The following GCC2 variants were observed in gnomAD, a reference collection of about 807,000 sequenced individuals.
GCC2 encodes the protein GRIP and coiled-coil domain containing 2.
Under a neutral mutation model 210.6 loss-of-function variants are expected in GCC2, and 120 were observed. The ratio of observed to expected loss-of-function variants is 0.57; its 90% CI spans 0.49 to 0.66. The LOEUF is 0.66. Among genes scored for constraint, GCC2 ranks in the 30% least tolerant of loss-of-function variants. GCC2 has a pLI of 0.00. For missense variants in GCC2, 1,868 were observed against 1,871.9 expected, an observed-to-expected ratio of 1.00 and a Z score of 0.04; for synonymous variants, 703 against 652.7, an observed-to-expected ratio of 1.08 and a Z score of -1.17.
chr2:108,490,096 A>T (rs1682339456), intron 18 of GCC2, 82 bp downstream of exon 18: 1 of 953,316 alleles, frequency 1.0e-6, no homozygotes, highest in African/African-American at 1.7e-5. Flanking sequence ...GATCCTTGAG[A>T]TAAATGCAGA....
At chr2:108,506,250 A>C (rs1683179937) in intron 22 of GCC2, among the ~76,000 whole-genome samples, 1 of 152,260 alleles carries the variant, frequency 6.6e-6, no homozygotes, top group Non-Finnish European at 1.5e-5. Flanking sequence ...GCAAATGAAT[A>C]AACTGGTACA....
chr2:108,470,690 CATT>C lies in GCC2; in HGVS notation c.1363_1365del (p.Leu455del). 6.2e-7 allele frequency: 1 copy of C among 1,609,128 alleles called. No homozygotes were observed. The highest frequency in any genetic ancestry group is 8.5e-7 in the Non-Finnish European group (1 of 1,177,542). On this transcript the variant is annotated inframe_deletion, in exon 6 of 23. Transcript: ENST00000309863. ...TCAGATTCAGAAAAAGAAAAATTAA[CATT>C]AATGTTTGAAATACAGGGTCTTAAG...
At chr2:108,449,882 T>C (rs901748202) in intron 2 of GCC2, 193 bp downstream of exon 2, 2 of 586,006 alleles carry the variant, frequency 3.4e-6, no homozygotes, top group African/African-American at 1.9e-5. Flanking sequence ...GAAAGACTTT[T>C]TGTTTGCTTC....
At chr2:108,461,291 A>AT (rs60394000) in intron 4 of GCC2, among the ~76,000 whole-genome samples, 68 of 147,950 alleles carry the variant, frequency 4.6e-4, no homozygotes, top group South Asian at 4.3e-3. Context: ...TCTTTGCTGA[A>AT]TTTTTTTTTT....
chr2:108,500,467 G>A (rs1352424182), intron 22 of GCC2, among the ~76,000 whole-genome samples: 1 of 152,242 alleles, frequency 6.6e-6, no homozygotes, highest in African/African-American at 2.4e-5. Flanking sequence ...GAGCTGTCAC[G>A]CCACTGTACT....
intron 4 of GCC2, among the ~76,000 whole-genome samples, chr2:108,462,838 C>T (rs373260740): frequency 0.014 from 2,128 of 151,848 alleles, 25 homozygotes; most frequent in Middle Eastern, 0.044. Context: ...GCTGGGATTA[C>T]AGGCATGAGC....
At chr2:108,489,138 G>T (rs960003401) in intron 17 of GCC2, among the ~76,000 whole-genome samples, 4 of 152,150 alleles carry the variant, frequency 2.6e-5, no homozygotes, top group Non-Finnish European at 5.9e-5. Context: ...TTTTTTCCAA[G>T]TCTAAAAAGA....
At position 108,499,537 on chromosome 2, in the gene GCC2, AT is replaced by A. The variant is rs1422379423; in HGVS notation, c.4783-13del. ...AGCTCCTAAAGCCCATTTTTAACTC[AT>A]TTCTCTAACACCAGCTTCTCAAAAG... On this transcript the variant is annotated splice_polypyrimidine_tract_variant and intron_variant, in intron 21 of 22. Coordinates refer to ENST00000309863, the MANE Select transcript of GCC2 (RefSeq NM_181453.4). The A allele has an allele frequency of 1.9e-6, 3 of 1,611,312 alleles. No individual in the cohort carries two copies. The highest frequency in any genetic ancestry group is 4.5e-5 in the East Asian group (2 of 44,812).
rs1276752529 is a variant in GCC2, at chr2:108,492,681, A to C, written c.4338A>C (p.Gln1446His). Residue 1446 changes from glutamine to histidine, a missense_variant, in exon 19 of 23, where the codon CAA (glutamine) becomes CAC (histidine). Physicochemically the swap from Gln to His is conservative, Grantham distance 24. Around this residue, in one of 3 missense-constraint regions of GCC2, gnomAD observed 1,847 missense variants for 1,765.2 expected, o/e 1.05. Transcript: ENST00000309863. The stretch of plus-strand genomic sequence containing the variant: ...TCCTTCGAAATAGCTTCCGAGATCA[A>C]GTGCGACATTTGCAGGAAGAACACA... ...NEVLRNSFRD[Q>H]VRHLQEEHRK... 6.2e-7 allele frequency: 1 copy of C among 1,613,942 alleles called. No individual in the cohort carries two copies. The highest frequency in any genetic ancestry group is 1.7e-5 in the Admixed American group (1 of 60,030).
chr2:108,461,867 T>C (rs1680603311), intron 4 of GCC2, among the ~76,000 whole-genome samples: 1 of 133,262 alleles, frequency 7.5e-6, no homozygotes. Context: ...AGAGTCTCGC[T>C]CTTTCGCCCA....
chr2:108,497,181 A>C lies in GCC2; in HGVS notation c.4782+72A>C, dbSNP rs573361823. ...TCTTGACCCTCCATACACATGCACGATCTCAGCTCACTGCAAGCTCCACCT... is the reference window on the plus strand; with the variant it reads ...TCTTGACCCTCCATACACATGCACGCTCTCAGCTCACTGCAAGCTCCACCT... On this transcript the variant is annotated intron_variant, in intron 21 of 22. Coordinates refer to ENST00000309863, the MANE Select transcript of GCC2 (RefSeq NM_181453.4). 5 of 1,608,448 alleles carry C rather than the reference A, an allele frequency of 3.1e-6. No homozygotes were observed. The African/African-American group carries it at 5.3e-5, about 17-fold the overall frequency.
At chr2:108,449,928 T>G (rs1679831074) in intron 2 of GCC2, 3 of 526,686 alleles carry the variant, frequency 5.7e-6, no homozygotes, top group Non-Finnish European at 1.0e-5. Context: ...GATCCTGCTA[T>G]TTTTCGAACA....
chr2:108,449,528 A>C (rs574579764), intron 1 of GCC2, 105 bp from the exon 2 acceptor site: 2 of 1,305,526 alleles, frequency 1.5e-6, no homozygotes, highest in South Asian at 1.2e-5. Context: ...GAGGCTTTCC[A>C]CCACTTGATT....
At chr2:108,477,433 A>G (rs2104466501) in intron 9 of GCC2, among the ~76,000 whole-genome samples, 1 of 152,328 alleles carries the variant, frequency 6.6e-6, no homozygotes, top group South Asian at 2.1e-4. Flanking sequence ...AGGAACTCAA[A>G]GTCACAGACT....
At chr2:108,455,462 G>C (rs1190101303) in intron 4 of GCC2, among the ~76,000 whole-genome samples, 1 of 151,778 alleles carries the variant, frequency 6.6e-6, no homozygotes, top group African/African-American at 2.4e-5. Context: ...AATTCTCCAA[G>C]TTAGCCAACT....
In GCC2 at chr2:108,449,209, G is replaced by A. The variant is rs1679751168; in HGVS notation, c.-66G>A. 2 of 1,521,208 alleles carry A rather than the reference G, an allele frequency of 1.3e-6. No individual in the cohort carries two copies. The highest frequency in any genetic ancestry group is 1.4e-5 in the African/African-American group (1 of 72,504). 94.2% of individuals were successfully genotyped at this position (1,521,208 alleles called of 1,614,324 possible). ...GACCTGCAGTAGAGCCTACGTCAGAGGCTGGCGCAAACAGAAGTGCAGCGG... is the reference window on the plus strand; with the variant it reads ...GACCTGCAGTAGAGCCTACGTCAGAAGCTGGCGCAAACAGAAGTGCAGCGG... On this transcript the variant is annotated 5_prime_UTR_variant, in exon 1 of 23. Coordinates refer to ENST00000309863, the MANE Select transcript of GCC2 (RefSeq NM_181453.4).
At chr2:108,462,430 C>T (rs1680642926) in intron 4 of GCC2, among the ~76,000 whole-genome samples, 1 of 148,364 alleles carries the variant, frequency 6.7e-6, no homozygotes, top group African/African-American at 2.5e-5. Context: ...GGAGGCAGAG[C>T]TTGCAGTGAG....
At chr2:108,460,284 C>T (rs1215049433) in intron 4 of GCC2, among the ~76,000 whole-genome samples, 2 of 152,106 alleles carry the variant, frequency 1.3e-5, no homozygotes, top group Non-Finnish European at 2.9e-5. Context: ...GTGGGCAGCA[C>T]GTAGTCGGAT....
chr2:108,468,116 C>G (rs1238784732), intron 4 of GCC2, among the ~76,000 whole-genome samples: 1 of 151,294 alleles, frequency 6.6e-6, no homozygotes, highest in African/African-American at 2.4e-5. Context: ...GGCTGGAGTA[C>G]AGTGGAGTGA....
Sources: gnomAD v4.1 joint callset for allele counts (sites outside exome capture counted in the v4.1 genomes callset) on GRCh38, gnomAD v4.1.1 for gene constraint, gnomAD v4.1.1 regional missense constraint, MANE v1.5 for transcripts, NCBI Gene and HGNC (gene_info 2026-07-23, HGNC 2026-07-21) for gene names.